Variants in KCNC1 observed in about 807,000 individuals in gnomAD.
KCNC1 encodes potassium voltage-gated channel subfamily C member 1.
In KCNC1, 8 loss-of-function variants were observed where a neutral mutation model predicts 43.4. The observed-to-expected ratio is 0.18, with a 90% confidence interval of 0.11 to 0.33. The LOEUF is 0.33. Among genes scored for constraint, KCNC1 ranks in the 10% least tolerant of loss-of-function variants. KCNC1 has a pLI of 1.00. For synonymous variants in KCNC1, 361 were observed against 360.5 expected (o/e 1.00, Z -0.01); for missense variants, 420 against 836.0 (o/e 0.50, Z 6.14).
chr11:17,751,843 CTG>C lies in KCNC1; in HGVS notation c.570+15274_570+15275del, dbSNP rs553997268. ...TGAACCCTAGGCTGTGTGAGAGAGT[CTG>C]TGGTTTCAGTCTGCTCCGGAGTAGG... On this transcript the variant is annotated intron_variant, in intron 1 of 3. Transcript: ENST00000265969. Among the ~76,000 whole-genome samples, 36 of 152,270 alleles carry C rather than the reference CTG, an allele frequency of 2.4e-4. No homozygotes were observed. The East Asian group carries it at 7.0e-3, about 29-fold the overall frequency.
chr11:17,774,510 G>A (rs1461085748), intron 2 of KCNC1: 5 of 985,442 alleles, frequency 5.1e-6, no homozygotes, highest in Non-Finnish European at 6.0e-6. Flanking sequence ...TATCCTGTGC[G>A]GAGTCCCCCT....
chr11:17,777,342 C>G lies in KCNC1; in HGVS notation c.1505-2114C>G. The G allele has an allele frequency of 2.0e-6, 2 of 985,874 alleles. No homozygotes were observed. The highest frequency in any genetic ancestry group is 2.4e-6 in the Non-Finnish European group (2 of 829,984). The allele number at this position is 985,874 out of a possible 1,614,324, so 61.1% of individuals were successfully genotyped here. ...ATGGCCAACAGAGACTCAGCAAGTC[C>G]TCACTCCCCTCCCAGAAGGAGACGC... On this transcript the variant is annotated intron_variant, in intron 2 of 3. Coordinates refer to ENST00000265969, the MANE Select transcript of KCNC1 (RefSeq NM_001112741.2). The surrounding 1 kb of genome is among the most constrained non-coding windows in gnomAD (Gnocchi z 4.3).
chr11:17,770,300 T>C (rs916553745), intron 1 of KCNC1, among the ~76,000 whole-genome samples: 2 of 152,210 alleles, frequency 1.3e-5, no homozygotes, highest in East Asian at 1.9e-4. Context: ...CGGAGCTGCC[T>C]TGTGGAGAAG....
Position 17,776,631 on chromosome 11 carries a change from G to A in KCNC1, c.1505-2825G>A, listed in dbSNP as rs1356624622. On this transcript the variant is annotated intron_variant, in intron 2 of 3. Transcript: ENST00000265969. The surrounding 1 kb of genome is among the most constrained non-coding windows in gnomAD (Gnocchi z 4.4). ...TGCCATTTCATCACTGCAGGCCTGT[G>A]GGTCTAGTGGGGGCCTGGGGGCCCT... The A allele has an allele frequency of 2.0e-6, 2 of 985,320 alleles. No individual in the cohort carries two copies. Among genetic ancestry groups the A allele is most frequent in the Non-Finnish European group, 2.4e-6 (2 of 829,954 alleles). 61.0% of individuals were successfully genotyped at this position (985,320 alleles called of 1,614,324 possible).
chr11:17,738,011 CG>C (rs1461981135), intron 1 of KCNC1, among the ~76,000 whole-genome samples: 9 of 150,170 alleles, frequency 6.0e-5, no homozygotes, highest in African/African-American at 2.2e-4. Flanking sequence ...TCGGGGCGGG[CG>C]GGGGGCAGGT....
At chr11:17,746,419 A>G (rs1034913863) in intron 1 of KCNC1, among the ~76,000 whole-genome samples, 2 of 152,104 alleles carry the variant, frequency 1.3e-5, no homozygotes, top group Non-Finnish European at 2.9e-5. Flanking sequence ...ACAAGTTCCT[A>G]CGTCCCACTT....
chr11:17,745,553 G>A lies in KCNC1; in HGVS notation c.570+8981G>A, dbSNP rs765047946. 1.7e-4 allele frequency among the ~76,000 whole-genome samples: 26 copies of A among 152,218 alleles called. 1 individual carries two copies. The highest frequency in any genetic ancestry group is 1.2e-3 in the East Asian group (6 of 5,176). On this transcript the variant is annotated intron_variant, in intron 1 of 3. Coordinates refer to ENST00000265969, the MANE Select transcript of KCNC1 (RefSeq NM_001112741.2). ...AGGGCCGGCCTGGCAAAGTGCTATC[G>A]GACCAAGTCAGCCCTCCGCTCCATC...
chr11:17,775,748 G>A (rs991773962), intron 2 of KCNC1: 17 of 985,938 alleles, frequency 1.7e-5, no homozygotes, highest in East Asian at 1.1e-4. Flanking sequence ...AGGGTCCCAC[G>A]TCAGTGAGCA....
At chr11:17,749,059 G>A (rs1011432665) in intron 1 of KCNC1, among the ~76,000 whole-genome samples, 9 of 152,202 alleles carry the variant, frequency 5.9e-5, no homozygotes, top group Middle Eastern at 3.2e-3. Flanking sequence ...CAGGTGTGCC[G>A]GGAGAAGATG....
At chr11:17,741,517 C>T (rs1386926912) in intron 1 of KCNC1, among the ~76,000 whole-genome samples, 1 of 152,160 alleles carries the variant, frequency 6.6e-6, no homozygotes, top group Admixed American at 6.5e-5. Context: ...CCATGGTTCC[C>T]CTCAGGCTCA....
Position 17,771,811 on chromosome 11 carries a change from C to T in KCNC1, c.717C>T (p.Ala239=), listed in dbSNP as rs143670270. The T allele has an allele frequency of 4.0e-5, 65 of 1,614,250 alleles. No homozygotes were observed. In the African/African-American group the frequency reaches 5.2e-4, roughly 13 times the overall value. ...NGTQVRYYRE[A]ETEAFLTYIE... is the part of the protein sequence containing the mutation. Reference sequence around the variant, plus strand: ...CGCAAGTGCGCTACTACCGGGAGGCCGAGACGGAGGCCTTCCTTACCTACA... The same window carrying T: ...CGCAAGTGCGCTACTACCGGGAGGCTGAGACGGAGGCCTTCCTTACCTACA... The change falls in exon 2 of 4, where the codon GCC becomes GCT. Residue 239 remains alanine (A), a synonymous_variant. Transcript: ENST00000265969. The surrounding 1 kb of genome is among the most constrained non-coding windows in gnomAD (Gnocchi z 4.7).
intron 1 of KCNC1, among the ~76,000 whole-genome samples, chr11:17,737,968 T>C (rs1225228823): frequency 6.6e-6 from 1 of 151,806 alleles, no homozygotes; most frequent in Admixed American, 6.6e-5. Context: ...ACCTTGTAGA[T>C]CTGTTAACTG....
intron 1 of KCNC1, among the ~76,000 whole-genome samples, chr11:17,768,606 T>G (rs1849181940): frequency 1.4e-4 from 9 of 64,900 alleles, no homozygotes; most frequent in East Asian, 6.9e-4. Context: ...GGAGAATGGA[T>G]GTTGGTGGGG....
intron 1 of KCNC1, among the ~76,000 whole-genome samples, chr11:17,741,466 G>A (rs1042160897): frequency 2.0e-5 from 3 of 151,856 alleles, no homozygotes; most frequent in South Asian, 2.1e-4. Context: ...AGACTCTCTC[G>A]TCTCCCTCCA....
chr11:17,748,218 T>C (rs915116351), intron 1 of KCNC1, among the ~76,000 whole-genome samples: 4 of 152,106 alleles, frequency 2.6e-5, no homozygotes, highest in African/African-American at 9.7e-5. Flanking sequence ...GCAGGTCATA[T>C]TTCAGCAAAG....
chr11:17,737,735 C>T (rs1305879161), intron 1 of KCNC1, among the ~76,000 whole-genome samples: 1 of 152,132 alleles, frequency 6.6e-6, no homozygotes, highest in African/African-American at 2.4e-5. Flanking sequence ...AAGCAGAGCC[C>T]CTCCTGCATC....
In KCNC1 at chr11:17,735,920, G is replaced by GC; in HGVS notation, c.-77dup. 7.3e-7 allele frequency: 1 copy of GC among 1,361,860 alleles called. No individual in the cohort carries two copies. Among genetic ancestry groups the GC allele is most frequent in the Non-Finnish European group, 9.4e-7 (1 of 1,060,044 alleles). 84.4% of individuals were successfully genotyped at this position (1,361,860 alleles called of 1,614,324 possible). A position where few individuals can be genotyped will look rare whatever the true frequency, so the allele number is the denominator to read the frequency against. The stretch of plus-strand genomic sequence containing the variant: ...GGGGGGAGGGGGGAAGAGGGCGCGC[G>GC]CCCCCCTCCCCGGCGCCAACTCCCC... On this transcript the variant is annotated 5_prime_UTR_variant, in exon 1 of 4. Coordinates refer to ENST00000265969, the MANE Select transcript of KCNC1 (RefSeq NM_001112741.2). This position sits in a 1 kb window ranked among gnomAD's most constrained non-coding sequence, Gnocchi z 6.7.
intron 1 of KCNC1, among the ~76,000 whole-genome samples, chr11:17,746,239 C>T (rs546356262): frequency 6.6e-6 from 1 of 152,186 alleles, no homozygotes; most frequent in Admixed American, 6.5e-5. Context: ...GGGTCCAAAC[C>T]CCAATCCAGG....
intron 1 of KCNC1, among the ~76,000 whole-genome samples, chr11:17,750,907 T>C (rs773716076): frequency 2.0e-4 from 31 of 152,230 alleles, no homozygotes; most frequent in Admixed American, 1.6e-3. Context: ...TTTGATCCAC[T>C]GACTATCATT....
Sources: allele counts gnomAD v4.1 joint callset (sites outside exome capture counted in the v4.1 genomes callset), GRCh38; gene constraint gnomAD v4.1.1; non-coding constraint Gnocchi (gnomAD v3.1); transcripts MANE v1.5; gene names NCBI Gene and HGNC (gene_info 2026-07-23, HGNC 2026-07-21).